Variants in SHBG observed in about 807,000 individuals in gnomAD.
SHBG encodes the protein sex hormone binding globulin.
In SHBG, 37 loss-of-function variants were observed where a neutral mutation model predicts 41.9. The observed-to-expected ratio is 0.88, with a 90% confidence interval of 0.68 to 1.16. SHBG has a LOEUF of 1.16. Ranked by LOEUF, SHBG falls within the 50% of genes most tolerant of loss-of-function variation. The probability of loss-of-function intolerance (pLI) is 0.00; values close to 1 mark genes in which losing one functional copy is unlikely to be tolerated. For missense variants in SHBG, 466 were observed against 499.9 expected (o/e 0.93, Z 0.65); for synonymous variants, 217 against 205.8 (o/e 1.05, Z -0.47).
Position 7,615,461 on chromosome 17 carries a change from A to G in SHBG, c.-62+1350A>G, listed in dbSNP as rs752662866. ...TTAAGAATCTGTAACTCTCTACTGT[A>G]GTAGATTTAACAGTCATGGCTCTTA... On this transcript the variant is annotated intron_variant, in intron 1 of 5. Coordinates refer to the SHBG transcript ENST00000570547. Among the ~76,000 whole-genome samples, 11 of 152,238 alleles carry G rather than the reference A, an allele frequency of 7.2e-5. No individual in the cohort carries two copies. In the East Asian group the frequency reaches 2.1e-3, roughly 29 times the overall value.
chr17:7,622,247 A>G (rs527878912), intron 1 of SHBG, among the ~76,000 whole-genome samples: 3 of 151,160 alleles, frequency 2.0e-5, no homozygotes, highest in African/African-American at 4.9e-5. Context: ...CCCCACTCCA[A>G]TCAGCCCCAA....
In SHBG at chr17:7,630,601, G is replaced by A; in HGVS notation, c.204-79G>A. 6.5e-7 allele frequency: 1 copy of A among 1,536,934 alleles called. No homozygotes were observed. The highest frequency in any genetic ancestry group is 9.0e-7 in the Non-Finnish European group (1 of 1,111,930). ...TCCCTGTCTTCCTTTCCTTATCTGT[G>A]AACACCATCTCCCCCAAACCCACAC... is the stretch of plus-strand genomic sequence containing the variant. On this transcript the variant is annotated intron_variant, in intron 2 of 7. Transcript: ENST00000380450. This position sits in a 1 kb window ranked among gnomAD's most constrained non-coding sequence, Gnocchi z 4.6.
intron 1 of SHBG, among the ~76,000 whole-genome samples, chr17:7,618,243 A>G (rs2072027874): frequency 6.6e-6 from 1 of 151,220 alleles, no homozygotes. Context: ...ATTATTTCCA[A>G]CCTCGTTTCC....
chr17:7,630,258 C>T lies in SHBG; in HGVS notation c.86C>T (p.Ala29Val), dbSNP rs760363975. Residue 29 changes from alanine (A) to valine (V), a missense_variant, in exon 1 of 8, where the codon GCC becomes GTC. Physicochemically the swap from Ala to Val is moderately conservative, Grantham distance 64 (BLOSUM62 0). Coordinates refer to ENST00000380450, the MANE Select transcript of SHBG (RefSeq NM_001040.5). This position sits in a 1 kb window ranked among gnomAD's most constrained non-coding sequence, Gnocchi z 4.6. ...LLLRHTRQGW[A>V]LRPVLPTQSA... ...CTGCGTCACACCCGCCAGGGATGGG[C>T]CCTGAGACCTGTTCTCCCCACCCAG... 1.9e-6 allele frequency: 3 copies of T among 1,608,726 alleles called. No individual in the cohort carries two copies. Among genetic ancestry groups the T allele is most frequent in the Admixed American group, 1.7e-5 (1 of 58,714 alleles).
chr17:7,628,304 C>T (rs1372220610), upstream of SHBG, among the ~76,000 whole-genome samples: 1 of 152,040 alleles, frequency 6.6e-6, no homozygotes, highest in African/African-American at 2.4e-5. Flanking sequence ...TGCTTTGTCG[C>T]CCAGGCTGGG....
intron 1 of SHBG, chr17:7,614,442 G>T (rs1167381561): frequency 6.5e-7 from 1 of 1,526,924 alleles, no homozygotes. Flanking sequence ...CAGTCGGCGC[G>T]CCGTCTCACC....
At chr17:7,615,133 A>C (rs534460678) in intron 1 of SHBG, among the ~76,000 whole-genome samples, 18 of 150,636 alleles carry the variant, frequency 1.2e-4, no homozygotes, top group Non-Finnish European at 2.4e-4. Context: ...GCCCCACAAC[A>C]CTGAGAACCA....
intron 1 of SHBG, chr17:7,614,484 C>T: frequency 6.5e-7 from 1 of 1,541,358 alleles, no homozygotes; most frequent in Non-Finnish European, 8.7e-7. Flanking sequence ...CCGCGCACCT[C>T]GACGGGCAGT....
Position 7,630,576 on chromosome 17 carries a change from T to C in SHBG, c.203+69T>C, listed in dbSNP as rs1408074610. On this transcript the variant is annotated intron_variant, in intron 2 of 7. Coordinates refer to ENST00000380450, the MANE Select transcript of SHBG (RefSeq NM_001040.5). The surrounding 1 kb of genome is among the most constrained non-coding windows in gnomAD (Gnocchi z 4.6). ...CCTCTCTCCATCAGCTCTTCTCTTT[T>C]CCCTGTCTTCCTTTCCTTATCTGTG... The C allele has an allele frequency of 1.3e-6, 2 of 1,551,838 alleles. No homozygotes were observed. The highest frequency in any genetic ancestry group is 2.7e-5 in the African/African-American group (2 of 73,622).
rs2072476319 is a variant in SHBG, at chr17:7,633,197, C to T, written c.1061-7C>T. On this transcript the variant is annotated splice_polypyrimidine_tract_variant and splice_region_variant and intron_variant, in intron 7 of 7. Transcript: ENST00000380450. ...TCTAATGCCACCTTTGCACTACCTCCCTCTAGGAGAAGACTCTTCCACCTC... is the reference window on the plus strand; with the variant it reads ...TCTAATGCCACCTTTGCACTACCTCTCTCTAGGAGAAGACTCTTCCACCTC... 1 of 1,613,990 alleles carries T rather than the reference C, an allele frequency of 6.2e-7. No individual in the cohort carries two copies. Among genetic ancestry groups the T allele is most frequent in the African/African-American group, 1.3e-5 (1 of 74,906 alleles).
Position 7,632,966 on chromosome 17 carries a change from G to C in SHBG, c.1060+7G>C, listed in dbSNP as rs751753729. The C allele has an allele frequency of 1.1e-5, 18 of 1,611,282 alleles. No individual in the cohort carries two copies. Among genetic ancestry groups the C allele is most frequent in the Non-Finnish European group, 1.5e-5 (18 of 1,177,786 alleles). On this transcript the variant is annotated splice_region_variant and intron_variant, in intron 7 of 7. Transcript: ENST00000380450. Reference sequence around the variant, plus strand: ...TTCCTGGGGGCTTTACCAGGTAAGAGAGAATGATGTTCAAGTTCATGAGCA... The same window carrying C: ...TTCCTGGGGGCTTTACCAGGTAAGACAGAATGATGTTCAAGTTCATGAGCA...
rs1446003346 is a variant in SHBG at position 7,616,764 on chromosome 17, C to T, written c.-62+2653C>T. On this transcript the variant is annotated intron_variant, in intron 1 of 5. Transcript: ENST00000570547. ...CAGCCTGGCCAACATGGTGAAACCC[C>T]ATCTCTACTAAAAATACAAAAATTA... is the stretch of plus-strand genomic sequence containing the variant. Among the ~76,000 whole-genome samples, 4 of 151,410 alleles carry T rather than the reference C, an allele frequency of 2.6e-5. 1 individual carries two copies. Among genetic ancestry groups the T allele is most frequent in the Admixed American group, 2.6e-4 (4 of 15,190 alleles).
chr17:7,632,121 AC>A, intron 6 of SHBG, 106 bp downstream of exon 6: 1 of 1,151,910 alleles, frequency 8.7e-7, no homozygotes, highest in South Asian at 1.2e-5. Flanking sequence ...AGCCCAGGGA[AC>A]ATAACAAGAC....
chr17:7,620,372 A>T (rs1194722848), intron 1 of SHBG, among the ~76,000 whole-genome samples: 2 of 152,210 alleles, frequency 1.3e-5, no homozygotes, highest in Admixed American at 1.3e-4. Context: ...GCTAGAGTGC[A>T]GTGGCACGAT....
At chr17:7,631,124 G>A (rs1337270341) in intron 3 of SHBG, 76 bp from the exon 4 acceptor site, 43 of 1,412,844 alleles carry the variant, frequency 3.0e-5, no homozygotes, top group South Asian at 1.3e-4. Flanking sequence ...TTCCACTATA[G>A]TACTAGGCTG....
At chr17:7,614,755 G>A in intron 1 of SHBG, 1 of 243,290 alleles carries the variant, frequency 4.1e-6, no homozygotes, top group Non-Finnish European at 7.7e-6. Flanking sequence ...CCGCCACCGT[G>A]AGGGAAACGG....
chr17:7,630,991 CA>C lies in SHBG; in HGVS notation c.393+125del, dbSNP rs2072390105. 2.0e-6 allele frequency: 2 copies of C among 1,011,588 alleles called. No individual in the cohort carries two copies. The highest frequency in any genetic ancestry group is 3.1e-4 in the Middle Eastern group (1 of 3,254). The allele number at this position is 1,011,588 out of a possible 1,614,324, so 62.7% of individuals were successfully genotyped here. Reference sequence around the variant, plus strand: ...CTCGTTTAATCCACACGAACCCCCACAAAGTAGCTATTCTTGGCCCCATCTT... The same window carrying C: ...CTCGTTTAATCCACACGAACCCCCACAAGTAGCTATTCTTGGCCCCATCTT... On this transcript the variant is annotated intron_variant, in intron 3 of 7. Coordinates refer to ENST00000380450, the MANE Select transcript of SHBG (RefSeq NM_001040.5). The surrounding 1 kb of genome is among the most constrained non-coding windows in gnomAD (Gnocchi z 4.6).
At chr17:7,626,389 A>G (rs1311163292), upstream of SHBG, 2 of 1,581,334 alleles carry the variant, frequency 1.3e-6, no homozygotes, top group Non-Finnish European at 1.7e-6. Context: ...GTCTCTGAAG[A>G]GTGCTTCAGC....
chr17:7,614,132 C>T, intron 1 of SHBG: 1 of 583,530 alleles, frequency 1.7e-6, no homozygotes, highest in Non-Finnish European at 3.2e-6. Flanking sequence ...CACCAGACAA[C>T]GGACACAGTC....
Sources: gnomAD v4.1 joint callset for allele counts (sites outside exome capture counted in the v4.1 genomes callset) on GRCh38, gnomAD v4.1.1 for gene constraint, Gnocchi (gnomAD v3.1) non-coding constraint, MANE v1.5 for transcripts, NCBI Gene and HGNC (gene_info 2026-07-23, HGNC 2026-07-21) for gene names.